CDK17: variants seen among roughly 807,000 people sequenced by gnomAD.
CDK17 encodes the protein cyclin-dependent kinase 17.
A neutral mutation model predicts 77.6 loss-of-function variants in CDK17; 24 were observed. The ratio of observed to expected loss-of-function variants is 0.31; its 90% CI spans 0.22 to 0.44. CDK17 has a LOEUF of 0.44. Among genes scored for constraint, CDK17 ranks in the 20% least tolerant of loss-of-function variants. The pLI is 1.00. For missense variants in CDK17, 429 were observed against 622.5 expected (o/e 0.69, Z 3.31); for synonymous variants, 203 against 210.4 (o/e 0.96, Z 0.30).
At chr12:96,345,520 C>A (rs978252125) in intron 1 of CDK17, among the ~76,000 whole-genome samples, 1 of 152,092 alleles carries the variant, frequency 6.6e-6, no homozygotes, top group African/African-American at 2.4e-5. Context: ...AATCGCCATT[C>A]GACTGGTGTG....
intron 5 of CDK17, among the ~76,000 whole-genome samples, chr12:96,304,293 CT>C (rs1372547929): frequency 2.0e-4 from 31 of 152,174 alleles, no homozygotes; most frequent in African/African-American, 7.2e-4. Flanking sequence ...AATCCCAGCA[CT>C]TTCGGAGGCC....
rs1317422895 is a variant in CDK17 at position 96,400,436 on chromosome 12, G to C, written c.-480C>G. The C allele has an allele frequency of 2.6e-6, 1 of 378,370 alleles. No homozygotes were observed. Among genetic ancestry groups the C allele is most frequent in the Non-Finnish European group, 4.7e-6 (1 of 213,728 alleles). 23.4% of individuals were successfully genotyped at this position (378,370 alleles called of 1,614,324 possible). On this transcript the variant is annotated 5_prime_UTR_variant, in exon 1 of 17. In the 5' UTR this introduces an upstream ATG that the reference lacks. Coordinates refer to ENST00000261211, the MANE Select transcript of CDK17 (RefSeq NM_002595.5). ...GTCGCTTTCACACTCGGCGGCTGCGGATTGACGCCTCCGCCTGTTCCCCGG... is the reference window on the plus strand; with the variant it reads ...GTCGCTTTCACACTCGGCGGCTGCGCATTGACGCCTCCGCCTGTTCCCCGG...
intron 1 of CDK17, among the ~76,000 whole-genome samples, chr12:96,336,298 G>GA (rs1371879951): frequency 2.6e-5 from 4 of 151,784 alleles, no homozygotes; most frequent in Admixed American, 6.6e-5. Flanking sequence ...TGTCTCTACT[G>GA]AAAAAAACAA....
intron 5 of CDK17, among the ~76,000 whole-genome samples, chr12:96,302,427 T>C (rs1163815818): frequency 6.6e-6 from 1 of 152,126 alleles, no homozygotes; most frequent in African/African-American, 2.4e-5. Flanking sequence ...CTGATACTTA[T>C]CTCTGGAATT....
chr12:96,319,590 G>A (rs1357390051), intron 3 of CDK17, among the ~76,000 whole-genome samples: 4 of 142,582 alleles, frequency 2.8e-5, no homozygotes. Context: ...ACATCAAAAA[G>A]CTTATCCACC....
At chr12:96,347,784 A>C (rs948752619) in intron 1 of CDK17, among the ~76,000 whole-genome samples, 1 of 152,214 alleles carries the variant, frequency 6.6e-6, no homozygotes, top group Non-Finnish European at 1.5e-5. Context: ...TCTCCAGGAC[A>C]GGCCATAAGG....
chr12:96,295,198 G>C, intron 9 of CDK17, 76 bp from the exon 10 acceptor site: 1 of 1,150,360 alleles, frequency 8.7e-7, no homozygotes, highest in Non-Finnish European at 1.2e-6. Context: ...ATGGTAAGCA[G>C]AAAAGCAGCT....
chr12:96,280,919 G>T (rs772662227), intron 15 of CDK17, 34 bp from the exon 16 acceptor site: 2 of 1,546,130 alleles, frequency 1.3e-6, no homozygotes, highest in Non-Finnish European at 1.8e-6. Flanking sequence ...TTAGGTGAAG[G>T]TCTAACATTA....
chr12:96,319,478 T>C (rs1592725768), intron 3 of CDK17, among the ~76,000 whole-genome samples: 2 of 130,362 alleles, frequency 1.5e-5, no homozygotes, highest in East Asian at 2.3e-4. Flanking sequence ...ATACCAAAGC[T>C]GGGCAGAGAC....
intron 1 of CDK17, chr12:96,387,045 G>A: frequency 3.0e-6 from 1 of 336,772 alleles, no homozygotes; most frequent in Non-Finnish European, 5.9e-6. Flanking sequence ...CAACTGTACA[G>A]GTTCTCTGTC....
intron 3 of CDK17, among the ~76,000 whole-genome samples, chr12:96,316,272 A>G (rs904199726): frequency 3.3e-5 from 5 of 152,200 alleles, no homozygotes; most frequent in Non-Finnish European, 5.9e-5. Flanking sequence ...GCGCACCACG[A>G]GACTATATAC....
chr12:96,326,297 G>C (rs953362962), intron 2 of CDK17, among the ~76,000 whole-genome samples: 2 of 152,160 alleles, frequency 1.3e-5, no homozygotes, highest in Non-Finnish European at 2.9e-5. Flanking sequence ...TGATCTCAGA[G>C]TGCATAAAAC....
At position 96,282,574 on chromosome 12, in the gene CDK17, G is replaced by C. The variant is rs1254693877; in HGVS notation, c.1391C>G (p.Ala464Gly). 6.2e-7 allele frequency: 1 copy of C among 1,611,938 alleles called. No homozygotes were observed. Among genetic ancestry groups the C allele is most frequent in the South Asian group, 1.1e-5 (1 of 91,016 alleles). The change falls in exon 15 of 17, where the codon GCT becomes GGT. Residue 464 changes from alanine to glycine, a missense_variant. By Grantham distance (60) the Ala-to-Gly change is moderately conservative. Transcript: ENST00000261211. ...LQYESKKRVS[A>G]EEAMKHVYFR... ...GTACACATGTTTCATGGCCTCTTCA[G>C]CTGAAACCCTTTTCTTAGATTCATA... is the stretch of plus-strand genomic sequence containing the variant.
intron 5 of CDK17, among the ~76,000 whole-genome samples, chr12:96,305,356 T>G (rs1378269623): frequency 6.6e-6 from 1 of 152,232 alleles, no homozygotes; most frequent in South Asian, 2.1e-4. Context: ...TTACTAGTAA[T>G]GTACCAATGT....
intron 1 of CDK17, among the ~76,000 whole-genome samples, chr12:96,393,354 C>CAAAAAAAAAA (rs10633197): frequency 4.6e-5 from 2 of 43,340 alleles, no homozygotes; most frequent in Non-Finnish European, 8.2e-5. Flanking sequence ...GGCTCCGCCT[C>CAAAAAAAAAA]AAAAAAAAAA....
At chr12:96,398,448 A>C (rs1954206727) in intron 1 of CDK17, among the ~76,000 whole-genome samples, 1 of 152,176 alleles carries the variant, frequency 6.6e-6, no homozygotes, top group Non-Finnish European at 1.5e-5. Context: ...TTTTCCCCTT[A>C]AAATCTAGTT....
chr12:96,345,189 T>C (rs1255216379), intron 1 of CDK17, among the ~76,000 whole-genome samples: 1 of 152,238 alleles, frequency 6.6e-6, no homozygotes, highest in Non-Finnish European at 1.5e-5. Flanking sequence ...TAGTATTCCA[T>C]GGTGTCCATG....
intron 5 of CDK17, among the ~76,000 whole-genome samples, chr12:96,308,125 CG>C (rs1356556377): frequency 6.7e-6 from 1 of 150,198 alleles, no homozygotes; most frequent in Non-Finnish European, 1.5e-5. Context: ...ATGCTATGGG[CG>C]GCTCACACCT....
chr12:96,292,849 A>G (rs1479360391), intron 10 of CDK17, among the ~76,000 whole-genome samples: 2 of 152,132 alleles, frequency 1.3e-5, no homozygotes, highest in African/African-American at 4.8e-5. Flanking sequence ...TAGCTAAAAA[A>G]AAAATAGATA....
Sources: gnomAD v4.1 joint callset for allele counts (sites outside exome capture counted in the v4.1 genomes callset) on GRCh38, gnomAD v4.1.1 for gene constraint, MANE v1.5 for transcripts, NCBI Gene and HGNC (gene_info 2026-07-23, HGNC 2026-07-21) for gene names.